Variants in EML4 observed in about 807,000 individuals in gnomAD.
EML4 encodes the protein EMAP like 4.
EML4 carries 72 observed loss-of-function variants against 129.0 expected under a neutral mutation model. That is an observed-to-expected ratio of 0.56 (90% CI 0.46 to 0.68). The LOEUF (loss-of-function observed/expected upper bound fraction) is 0.68, where lower values mean the gene tolerates loss of function less well. EML4 is among the 30% of genes least tolerant of loss of function. EML4 has a pLI of 0.00. For missense variants in EML4, 1,363 were observed against 1,190.6 expected, an observed-to-expected ratio of 1.14 and a Z score of -2.13; for synonymous variants, 532 against 405.0, an observed-to-expected ratio of 1.31 and a Z score of -3.77.
rs372520036 is a variant in EML4 at position 42,256,540 on chromosome 2, T to C, written c.248T>C (p.Ile83Thr). Residue 83 changes from isoleucine to threonine, a missense_variant, in exon 3 of 23, where the codon ATA becomes ACA. Physicochemically the swap from Ile to Thr is moderately conservative, Grantham distance 89 (BLOSUM62 -1). Transcript: ENST00000318522. ...CGAGCAGTTATTCCCATGTCCTGTA[T>C]AACCAATGGAAGTGGTGCAAACAGA... The part of the protein sequence containing the change: ...SPRAVIPMSC[I>T]TNGSGANRKP... 2 of 1,613,760 alleles carry C rather than the reference T, an allele frequency of 1.2e-6. No homozygotes were observed. Among genetic ancestry groups the C allele is most frequent in the Middle Eastern group, 1.6e-4 (1 of 6,062 alleles).
At chr2:42,257,084 T>G (rs1445557644) in intron 3 of EML4, among the ~76,000 whole-genome samples, 1 of 152,128 alleles carries the variant, frequency 6.6e-6, no homozygotes, top group East Asian at 1.9e-4. Flanking sequence ...TAAGGCTTAT[T>G]TCAAAAATAT....
At chr2:42,288,907 T>G (rs1301340277) in intron 11 of EML4, 1 of 152,164 alleles carries the variant, frequency 6.6e-6, no homozygotes, top group African/African-American at 2.4e-5. Context: ...GAGCCAGAAA[T>G]GGACTTCTCC....
chr2:42,189,469 A>T (rs889828729), intron 1 of EML4, among the ~76,000 whole-genome samples: 5 of 152,192 alleles, frequency 3.3e-5, no homozygotes, highest in Admixed American at 6.5e-5. Flanking sequence ...AGTCCCTGTT[A>T]CTTGGGAGGC....
intron 1 of EML4, among the ~76,000 whole-genome samples, chr2:42,206,870 C>A (rs953042651): frequency 1.3e-5 from 2 of 152,152 alleles, no homozygotes; most frequent in African/African-American, 4.8e-5. Flanking sequence ...TCTGACCTTA[C>A]CATTTGTTGA....
chr2:42,288,322 G>C lies in EML4; in HGVS notation c.1218G>C (p.Lys406Asn). 6.6e-7 allele frequency: 1 copy of C among 1,511,426 alleles called. No homozygotes were observed. The highest frequency in any genetic ancestry group is 9.1e-7 in the Non-Finnish European group (1 of 1,096,526). The allele number at this position is 1,511,426 out of a possible 1,614,324, so 93.6% of individuals were successfully genotyped here. ...AGAAAGCAAAAGGAGCAGAAATAAA[G>C]GTAAATTTTTAAAAAACCGAGTATT... ...WQKKAKGAEI[K>N]TTNEVVLAVE... Residue 406 changes from lysine to asparagine, a missense_variant and splice_region_variant, in exon 11 of 23, where the codon AAG becomes AAC. Physicochemically the swap from Lys to Asn is moderately conservative, Grantham distance 94. Coordinates refer to ENST00000318522, the MANE Select transcript of EML4 (RefSeq NM_019063.5).
intron 8 of EML4, among the ~76,000 whole-genome samples, chr2:42,284,080 C>A (rs1372335390): frequency 1.3e-5 from 2 of 152,156 alleles, no homozygotes; most frequent in Admixed American, 1.3e-4. Flanking sequence ...TTTAAAAATT[C>A]CTTGCCTCAG....
At chr2:42,230,963 C>G (rs531100123) in intron 1 of EML4, among the ~76,000 whole-genome samples, 1 of 152,184 alleles carries the variant, frequency 6.6e-6, no homozygotes, top group African/African-American at 2.4e-5. Context: ...TTCCCTCAAC[C>G]CTGTAAATCT....
chr2:42,180,023 G>C (rs1489045232), intron 1 of EML4, among the ~76,000 whole-genome samples: 1 of 152,212 alleles, frequency 6.6e-6, no homozygotes, highest in Non-Finnish European at 1.5e-5. Flanking sequence ...GGTTAATTTG[G>C]TGAAAGCTAT....
intron 13 of EML4, among the ~76,000 whole-genome samples, chr2:42,296,174 G>T (rs1667939492): frequency 6.6e-6 from 1 of 152,128 alleles, no homozygotes; most frequent in African/African-American, 2.4e-5. Context: ...TGAAAAAAAT[G>T]TCCAGAGTAC....
chr2:42,323,588 C>G (rs1038679433), intron 19 of EML4, among the ~76,000 whole-genome samples: 4 of 152,084 alleles, frequency 2.6e-5, no homozygotes, highest in Non-Finnish European at 5.9e-5. Context: ...AGTCATTGTT[C>G]TAATGTAAAT....
intron 2 of EML4, among the ~76,000 whole-genome samples, chr2:42,251,600 T>C (rs1675772086): frequency 6.6e-6 from 1 of 152,142 alleles, no homozygotes; most frequent in African/African-American, 2.4e-5. Flanking sequence ...CTCAATCTTC[T>C]CAAAGACTGA....
chr2:42,238,783 T>G (rs554332721), intron 1 of EML4, among the ~76,000 whole-genome samples: 1 of 151,920 alleles, frequency 6.6e-6, no homozygotes, highest in Non-Finnish European at 1.5e-5. Flanking sequence ...TTTTAAAAAA[T>G]TGTTATTTAT....
At chr2:42,181,339 C>A (rs978428175) in intron 1 of EML4, among the ~76,000 whole-genome samples, 1 of 152,058 alleles carries the variant, frequency 6.6e-6, no homozygotes, top group East Asian at 1.9e-4. Flanking sequence ...CACTCTATTG[C>A]CCAGACTGGA....
chr2:42,292,043 G>T (rs908414431), intron 11 of EML4, among the ~76,000 whole-genome samples: 1 of 152,234 alleles, frequency 6.6e-6, no homozygotes, highest in Non-Finnish European at 1.5e-5. Flanking sequence ...TGCTGGGCAT[G>T]TAAGTTGATA....
intron 1 of EML4, among the ~76,000 whole-genome samples, chr2:42,192,627 C>G (rs1019372675): frequency 2.0e-5 from 3 of 152,114 alleles, no homozygotes; most frequent in Non-Finnish European, 4.4e-5. Context: ...TTGGTCATCT[C>G]TTGCCTCTTT....
intron 11 of EML4, chr2:42,289,384 T>C (rs1667492328): frequency 6.6e-6 from 1 of 152,186 alleles, no homozygotes; most frequent in Non-Finnish European, 1.5e-5. Flanking sequence ...TTCCACATGC[T>C]CCACTGATAC....
chr2:42,179,840 G>A (rs945800783), intron 1 of EML4, among the ~76,000 whole-genome samples: 1 of 152,030 alleles, frequency 6.6e-6, no homozygotes, highest in African/African-American at 2.4e-5. Flanking sequence ...GACCCCAAGT[G>A]ATCCACCCAC....
At chr2:42,252,977 A>G (rs1675880174) in intron 2 of EML4, among the ~76,000 whole-genome samples, 1 of 152,124 alleles carries the variant, frequency 6.6e-6, no homozygotes, top group Non-Finnish European at 1.5e-5. Context: ...TAACTGCCTT[A>G]TATATGTTTG....
chr2:42,313,342 G>A (rs1669065273), intron 17 of EML4, among the ~76,000 whole-genome samples: 3 of 152,034 alleles, frequency 2.0e-5, no homozygotes, highest in Admixed American at 2.0e-4. Flanking sequence ...CGACCACCTT[G>A]GCCACATGTT....
Sources: allele counts gnomAD v4.1 joint callset (sites outside exome capture counted in the v4.1 genomes callset), GRCh38; gene constraint gnomAD v4.1.1; transcripts MANE v1.5; gene names NCBI Gene and HGNC (gene_info 2026-07-23, HGNC 2026-07-21).